The following NLRP11 variants were observed in gnomAD, a reference collection of about 807,000 sequenced individuals.
The protein encoded by NLRP11 is NLR family pyrin domain containing 11, also known as NACHT, LRR and PYD domains-containing protein 11.
Under a neutral mutation model 79.3 loss-of-function variants are expected in NLRP11, and 53 were observed. The ratio of observed to expected loss-of-function variants is 0.67; its 90% CI spans 0.54 to 0.84. NLRP11 has a LOEUF of 0.84. NLRP11 is among the 40% of genes least tolerant of loss of function. NLRP11 has a pLI of 0.00. For synonymous variants in NLRP11, 518 were observed against 462.6 expected (o/e 1.12, Z -1.54); for missense variants, 1,264 against 1,255.0 (o/e 1.01, Z -0.11).
chr19:55,799,403 G>T (rs1403670096), intron 5 of NLRP11, among the ~76,000 whole-genome samples: 1 of 152,150 alleles, frequency 6.6e-6, no homozygotes, highest in African/African-American at 2.4e-5. Flanking sequence ...CATAGAAGGG[G>T]TATAGAAAAG....
intron 5 of NLRP11, among the ~76,000 whole-genome samples, chr19:55,797,988 A>T (rs1201243624): frequency 7.1e-6 from 1 of 141,808 alleles, no homozygotes; most frequent in East Asian, 2.2e-4. Context: ...GGTGTATTCT[A>T]TATTATTATT....
In NLRP11 at chr19:55,831,215, T is replaced by A. The variant is rs545048723; in HGVS notation, c.-63+748A>T. Among the ~76,000 whole-genome samples, 559 of 147,982 alleles carry A rather than the reference T, an allele frequency of 3.8e-3. 3 individuals are homozygous for A. The highest frequency in any genetic ancestry group is 0.013 in the African/African-American group (532 of 40,378). On this transcript the variant is annotated intron_variant, in intron 1 of 9. Coordinates refer to ENST00000589093, the Ensembl canonical transcript of NLRP11. ...TGGCAGGAAGGGAGGTCAAACCTCC[T>A]CCTATCTCCTTCCTTTCGGAGCCTA...
At chr19:55,801,488 G>A in intron 5 of NLRP11, 84 bp downstream of exon 5, 1 of 1,037,906 alleles carries the variant, frequency 9.6e-7, no homozygotes, top group Non-Finnish European at 1.5e-6. Flanking sequence ...GGAGCAGGTA[G>A]TGTTATTGAA....
At chr19:55,806,565 T>C (rs7251151) in intron 4 of NLRP11, among the ~76,000 whole-genome samples, 23,657 of 152,174 alleles carry the variant, frequency 0.16, 2,306 homozygotes, top group African/African-American at 0.27. Context: ...ACCTGGCAAA[T>C]GCCAAGAAAA....
At chr19:55,813,191 G>C (rs1276350058) in intron 2 of NLRP11, among the ~76,000 whole-genome samples, 1 of 152,134 alleles carries the variant, frequency 6.6e-6, no homozygotes, top group Admixed American at 6.5e-5. Context: ...AGCCCGGCAT[G>C]GTGGCAGGCG....
intron 2 of NLRP11, among the ~76,000 whole-genome samples, chr19:55,816,541 C>T (rs549715438): frequency 5.3e-4 from 81 of 152,178 alleles, no homozygotes; most frequent in African/African-American, 1.8e-3. Context: ...TAGAGATGTT[C>T]GGGAGGGACT....
upstream of NLRP11, among the ~76,000 whole-genome samples, chr19:55,835,953 G>A (rs550227953): frequency 1.4e-4 from 21 of 152,190 alleles, 1 homozygote; most frequent in South Asian, 8.3e-4. Context: ...GCGAAAGCCC[G>A]TCTCTACTGA....
chr19:55,817,847 C>G, intron 2 of NLRP11, 57 bp downstream of exon 2: 1 of 1,409,354 alleles, frequency 7.1e-7, no homozygotes, highest in Non-Finnish European at 9.6e-7. Context: ...AGGCCCAACA[C>G]CCAGCTTCCT....
At chr19:55,818,905 G>T (rs1433288672) in intron 1 of NLRP11, among the ~76,000 whole-genome samples, 2 of 152,064 alleles carry the variant, frequency 1.3e-5, no homozygotes, top group African/African-American at 4.8e-5. Context: ...ACTGGCTTCA[G>T]ACTCAAGTTT....
intron 1 of NLRP11, among the ~76,000 whole-genome samples, chr19:55,830,979 A>G (rs541665447): frequency 4.3e-4 from 66 of 152,296 alleles, no homozygotes; most frequent in Middle Eastern, 3.4e-3. Flanking sequence ...GACACTGATT[A>G]GAGACTTTGG....
chr19:55,815,116 CA>C (rs199819676), intron 2 of NLRP11, among the ~76,000 whole-genome samples: 1 of 150,572 alleles, frequency 6.6e-6, no homozygotes, highest in Admixed American at 6.6e-5. Context: ...ATTCAGGTTA[CA>C]AAAAAAAATC....
upstream of NLRP11, among the ~76,000 whole-genome samples, chr19:55,835,428 C>T (rs1983159656): frequency 6.6e-6 from 1 of 152,280 alleles, no homozygotes; most frequent in Non-Finnish European, 1.5e-5. Flanking sequence ...AGGCCAGGCA[C>T]AGTGGCTCAT....
intron 2 of NLRP11, among the ~76,000 whole-genome samples, chr19:55,814,472 G>T (rs1039396070): frequency 6.6e-6 from 1 of 152,070 alleles, no homozygotes; most frequent in Non-Finnish European, 1.5e-5. Context: ...AAAGGTGCGG[G>T]ACCACTGCTT....
intron 1 of NLRP11, among the ~76,000 whole-genome samples, chr19:55,822,484 C>T (rs1207595296): frequency 6.6e-6 from 1 of 152,164 alleles, no homozygotes; most frequent in African/African-American, 2.4e-5. Flanking sequence ...GTGATTTCCG[C>T]ATTTCCATCT....
At chr19:55,822,309 TTC>T (rs199688865) in intron 1 of NLRP11, among the ~76,000 whole-genome samples, 1,813 of 152,314 alleles carry the variant, frequency 0.012, 43 homozygotes, top group African/African-American at 0.04. Flanking sequence ...GGAATTTCTC[TTC>T]TCTCTCACCC....
chr19:55,789,240 C>T, exon 8 of NLRP11: 2 of 1,610,810 alleles, frequency 1.2e-6, no homozygotes, highest in Non-Finnish European at 1.7e-6. Flanking sequence ...CAATATTCAC[C>T]AACATGCAGT....
At chr19:55,830,686 C>T in intron 1 of NLRP11, among the ~76,000 whole-genome samples, 1 of 151,278 alleles carries the variant, frequency 6.6e-6, no homozygotes, top group East Asian at 1.9e-4. Context: ...TTTACACCAA[C>T]CTTTTGTACA....
chr19:55,822,949 C>T (rs974106901), intron 1 of NLRP11, among the ~76,000 whole-genome samples: 13 of 152,306 alleles, frequency 8.5e-5, no homozygotes, highest in African/African-American at 3.1e-4. Context: ...TAGGCTCCAC[C>T]TCTGGGGGCA....
chr19:55,818,303 C>T, intron 1 of NLRP11, 67 bp from the exon 2 acceptor site: 1 of 708,504 alleles, frequency 1.4e-6, no homozygotes, highest in Non-Finnish European at 2.3e-6. Flanking sequence ...AAGCTAACAT[C>T]CTAGACAATT....
Sources: gnomAD v4.1 joint callset for allele counts (sites outside exome capture counted in the v4.1 genomes callset) on GRCh38, gnomAD v4.1.1 for gene constraint, MANE v1.5 for transcripts, NCBI Gene and HGNC (gene_info 2026-07-23, HGNC 2026-07-21) for gene names.